Variants in CAMK1G observed in about 807,000 individuals in gnomAD.
The protein encoded by CAMK1G is calcium/calmodulin dependent protein kinase IG.
A neutral mutation model predicts 54.8 loss-of-function variants in CAMK1G; 27 were observed. That is an observed-to-expected ratio of 0.49 (90% CI 0.36 to 0.68). The LOEUF (loss-of-function observed/expected upper bound fraction) is 0.68, where lower values mean the gene tolerates loss of function less well. Among genes scored for constraint, CAMK1G ranks in the 30% least tolerant of loss-of-function variants. The probability of loss-of-function intolerance (pLI) is 0.00; values close to 1 mark genes in which losing one functional copy is unlikely to be tolerated. For synonymous variants in CAMK1G, 238 were observed against 224.9 expected (o/e 1.06, Z -0.52); for missense variants, 512 against 591.0 (o/e 0.87, Z 1.39).
intron 3 of CAMK1G, 84 bp downstream of exon 3, chr1:209,600,195 G>T: frequency 2.0e-6 from 3 of 1,505,590 alleles, no homozygotes; most frequent in South Asian, 2.4e-5. Context: ...ACTAGGACTG[G>T]ATTTCTGCAC....
intron 8 of CAMK1G, among the ~76,000 whole-genome samples, chr1:209,609,591 G>C (rs1045720036): frequency 6.6e-6 from 1 of 152,234 alleles, no homozygotes; most frequent in Admixed American, 6.5e-5. Flanking sequence ...GTGATGTGCA[G>C]GCACATGGGG....
At position 209,612,921 on chromosome 1, in the gene CAMK1G, G is replaced by T. The variant is rs746666849; in HGVS notation, c.*37+9G>T. 60 of 1,335,580 alleles carry T rather than the reference G, an allele frequency of 4.5e-5. No homozygotes were observed. The highest frequency in any genetic ancestry group is 8.4e-5 in the Admixed American group (5 of 59,590). 82.7% of individuals were successfully genotyped at this position (1,335,580 alleles called of 1,614,324 possible). ...GTCACTGCAATTTTCAGGTTAGGAG[G>T]GTCACAGTGTGAGGCTTGGGGAGAG... On this transcript the variant is annotated intron_variant, in intron 12 of 12. Transcript: ENST00000361322.
At chr1:209,584,425 G>A (rs1472903484) in intron 1 of CAMK1G, among the ~76,000 whole-genome samples, 1 of 152,162 alleles carries the variant, frequency 6.6e-6, no homozygotes, top group African/African-American at 2.4e-5. Flanking sequence ...AGCTATCGCT[G>A]TCAGTCACAA....
intron 8 of CAMK1G, among the ~76,000 whole-genome samples, 163 bp downstream of exon 8, chr1:209,609,255 C>T (rs1399430255): frequency 6.6e-6 from 1 of 152,146 alleles, no homozygotes; most frequent in Non-Finnish European, 1.5e-5. Context: ...GCTTCAAAGA[C>T]CCGATAAATT....
At chr1:209,599,402 T>C (rs1211986462) in intron 2 of CAMK1G, among the ~76,000 whole-genome samples, 1 of 152,216 alleles carries the variant, frequency 6.6e-6, no homozygotes, top group African/African-American at 2.4e-5. Flanking sequence ...CAGATTCACC[T>C]CTTGTTCACA....
intron 1 of CAMK1G, among the ~76,000 whole-genome samples, chr1:209,594,606 T>A (rs1178707108): frequency 6.6e-6 from 1 of 152,184 alleles, no homozygotes; most frequent in Non-Finnish European, 1.5e-5. Context: ...GTAGTCTGAG[T>A]AAACATTGTG....
chr1:209,596,660 ACCAC>A (rs1368556682), intron 2 of CAMK1G, among the ~76,000 whole-genome samples: 3 of 108,256 alleles, frequency 2.8e-5, no homozygotes, highest in African/African-American at 1.1e-4. Flanking sequence ...TCACACACAC[ACCAC>A]ACACACACAC....
chr1:209,612,518 G>A (rs1218000564), intron 11 of CAMK1G, among the ~76,000 whole-genome samples: 3 of 152,344 alleles, frequency 2.0e-5, no homozygotes, highest in Middle Eastern at 3.4e-3. Context: ...TGAAGCAACA[G>A]AGATGATAAA....
In CAMK1G at chr1:209,594,965, A is replaced by G. The variant is rs764396052; in HGVS notation, c.-19A>G. On this transcript the variant is annotated 5_prime_UTR_variant, in exon 2 of 13. Coordinates refer to ENST00000361322, the MANE Select transcript of CAMK1G (RefSeq NM_020439.3). ...CTCCCTGCAATAAAGCATCCTCAGAAGCTTCAACTCTGGAGGCAATGGGTC... is the reference window on the plus strand; with the variant it reads ...CTCCCTGCAATAAAGCATCCTCAGAGGCTTCAACTCTGGAGGCAATGGGTC... The G allele has an allele frequency of 6.8e-6, 11 of 1,608,722 alleles. No individual in the cohort carries two copies. Among genetic ancestry groups the G allele is most frequent in the Non-Finnish European group, 8.5e-6 (10 of 1,176,008 alleles).
At chr1:209,583,973 G>A (rs1234485299) in intron 1 of CAMK1G, 1 of 152,188 alleles carries the variant, frequency 6.6e-6, no homozygotes, top group Non-Finnish European at 1.5e-5. Context: ...TGAATGGGGG[G>A]TCCGGGTGGA....
intron 1 of CAMK1G, among the ~76,000 whole-genome samples, chr1:209,594,631 A>G (rs1202276351): frequency 3.9e-5 from 6 of 152,292 alleles, no homozygotes; most frequent in South Asian, 2.1e-4. Context: ...TCATTTGGAA[A>G]ACACAGGACA....
chr1:209,603,807 T>A (rs1456233907), intron 4 of CAMK1G, among the ~76,000 whole-genome samples: 1 of 152,158 alleles, frequency 6.6e-6, no homozygotes. Flanking sequence ...TATATTTCAA[T>A]ATAAAGAAAG....
At chr1:209,604,261 G>A (rs7517839) in intron 4 of CAMK1G, among the ~76,000 whole-genome samples, 34,968 of 152,056 alleles carry the variant, frequency 0.23, 4,973 homozygotes, top group African/African-American at 0.4. Flanking sequence ...AGGGCCCCTA[G>A]TGGCACTAAC....
At chr1:209,593,580 C>A (rs961613729) in intron 1 of CAMK1G, among the ~76,000 whole-genome samples, 7 of 152,158 alleles carry the variant, frequency 4.6e-5, no homozygotes, top group Admixed American at 4.6e-4. Context: ...CAGGGCACCC[C>A]CCAACCAACC....
intron 1 of CAMK1G, among the ~76,000 whole-genome samples, chr1:209,587,601 T>C (rs1016912415): frequency 1.3e-5 from 2 of 151,938 alleles, no homozygotes; most frequent in African/African-American, 4.8e-5. Context: ...AAAAGCAAAC[T>C]TCAGGGAACT....
intron 1 of CAMK1G, among the ~76,000 whole-genome samples, chr1:209,588,740 T>C (rs891804619): frequency 5.9e-5 from 9 of 152,092 alleles, no homozygotes; most frequent in Admixed American, 5.9e-4. Flanking sequence ...CTAGTGGTGC[T>C]CCCTTTACTA....
At chr1:209,610,553 C>T (rs1219133239) in intron 9 of CAMK1G, among the ~76,000 whole-genome samples, 1 of 152,036 alleles carries the variant, frequency 6.6e-6, no homozygotes, top group African/African-American at 2.4e-5. Flanking sequence ...TCTGTCTCAC[C>T]CCACATACCA....
At chr1:209,601,040 A>G (rs766565953) in intron 3 of CAMK1G, among the ~76,000 whole-genome samples, 1 of 152,230 alleles carries the variant, frequency 6.6e-6, no homozygotes, top group Non-Finnish European at 1.5e-5. Context: ...AGATGCCATG[A>G]TAAGGAATGT....
At chr1:209,605,050 C>A (rs1665613944) in intron 4 of CAMK1G, among the ~76,000 whole-genome samples, 1 of 152,140 alleles carries the variant, frequency 6.6e-6, no homozygotes, top group African/African-American at 2.4e-5. Context: ...TAAAGCCCTA[C>A]CTGTAATTCC....
Sources: gnomAD v4.1 joint callset for allele counts (sites outside exome capture counted in the v4.1 genomes callset) on GRCh38, gnomAD v4.1.1 for gene constraint, MANE v1.5 for transcripts, NCBI Gene and HGNC (gene_info 2026-07-23, HGNC 2026-07-21) for gene names.